Variants in SEL1L3 observed in about 807,000 individuals in gnomAD.
The protein encoded by SEL1L3 is protein sel-1 homolog 3.
In SEL1L3, 76 loss-of-function variants were observed where a neutral mutation model predicts 142.8. That is an observed-to-expected ratio of 0.53 (90% CI 0.44 to 0.64). The LOEUF (loss-of-function observed/expected upper bound fraction) is 0.64. Among genes scored for constraint, SEL1L3 ranks in the 30% least tolerant of loss-of-function variants. SEL1L3 has a pLI of 0.00. For synonymous variants in SEL1L3, 504 were observed against 519.6 expected (o/e 0.97, Z 0.41); for missense variants, 1,262 against 1,381.7 (o/e 0.91, Z 1.37).
At position 25,862,751 on chromosome 4, in the gene SEL1L3, G is replaced by A. The variant is rs1398527509; in HGVS notation, c.86C>T (p.Ala29Val). ...GGGGACGCCGCCACTCGGGACCATG[G>A]CTGCGGCCCGGGGGCCGACCGCGAG... The part of the protein sequence containing the change: ...PPLAVGPRAA[A>V]MVPSGGVPQG... The change falls in exon 1 of 24, where the codon GCC becomes GTC. Residue 29 changes from alanine (A) to valine (V), a missense_variant. Physicochemically the swap from Ala to Val is moderately conservative, Grantham distance 64. This residue lies in a region of SEL1L3 where 689 missense variants were observed against 692.8 expected (regional missense o/e 0.99). Coordinates refer to ENST00000399878, the MANE Select transcript of SEL1L3 (RefSeq NM_015187.5). The A allele has an allele frequency of 8.1e-7, 1 of 1,234,018 alleles. No homozygotes were observed. The highest frequency in any genetic ancestry group is 3.2e-5 in the South Asian group (1 of 30,908). The allele number at this position is 1,234,018 out of a possible 1,614,324, so 76.4% of individuals were successfully genotyped here.
chr4:25,857,180 G>T (rs1206181153), intron 1 of SEL1L3, among the ~76,000 whole-genome samples: 4 of 151,964 alleles, frequency 2.6e-5, no homozygotes, highest in Non-Finnish European at 5.9e-5. Context: ...ATTCTGTTTA[G>T]GTCAACAAAG....
At chr4:25,800,617 A>G (rs938080701) in intron 11 of SEL1L3, among the ~76,000 whole-genome samples, 1 of 152,146 alleles carries the variant, frequency 6.6e-6, no homozygotes, top group African/African-American at 2.4e-5. Flanking sequence ...TAAAAAAAAT[A>G]GTTTTTTTTG....
chr4:25,799,946 G>A (rs1713063540), intron 11 of SEL1L3, among the ~76,000 whole-genome samples: 1 of 152,180 alleles, frequency 6.6e-6, no homozygotes, highest in African/African-American at 2.4e-5. Flanking sequence ...AGGAAGAGCA[G>A]CTTTTGAGGA....
In SEL1L3 at chr4:25,767,526, A is replaced by G. The variant is rs757327529; in HGVS notation, c.2844T>C (p.Phe948=). Residue 948 remains phenylalanine, a splice_region_variant and synonymous_variant, in exon 19 of 24, where the codon TTT becomes TTC. Coordinates refer to ENST00000399878, the MANE Select transcript of SEL1L3 (RefSeq NM_015187.5). ...TTTGCACCGTTTTTCTATACATACCAAAGGAAGGAGCATCGATTTGAAAAA... is the reference window on the plus strand; with the variant it reads ...TTTGCACCGTTTTTCTATACATACCGAAGGAAGGAGCATCGATTTGAAAAA... The part of the protein sequence containing the change: ...FSVFQIDAPS[F]AYLKMGDLYY... The G allele has an allele frequency of 1.9e-6, 3 of 1,551,958 alleles. No homozygotes were observed. Among genetic ancestry groups the G allele is most frequent in the Non-Finnish European group, 2.7e-6 (3 of 1,129,488 alleles).
chr4:25,758,183 T>A (rs892871242), intron 21 of SEL1L3, among the ~76,000 whole-genome samples: 2 of 152,178 alleles, frequency 1.3e-5, no homozygotes, highest in African/African-American at 4.8e-5. Flanking sequence ...AAGCATTGGC[T>A]ATTTACGCAG....
rs33997941 is a variant in SEL1L3 at position 25,825,666 on chromosome 4, A to ATTT, written c.1158-3541_1158-3539dup. On this transcript the variant is annotated intron_variant, in intron 6 of 23. Transcript: ENST00000399878. ...TTCTTCAGGGCCTGGTCTAAATTCT[A>ATTT]TTTTTTTTTTTTTTTTTTTTTTTTT... 1.8e-3 allele frequency among the ~76,000 whole-genome samples: 136 copies of ATTT among 74,052 alleles called. 8 individuals carry two copies. The highest frequency in any genetic ancestry group is 5.4e-3 in the African/African-American group (101 of 18,862). 48.6% of individuals were successfully genotyped at this position (74,052 alleles called of 152,430 possible).
At chr4:25,722,624 C>CTTTTTTTTTTTTTTTTTTTTTT in the SEL1L3 span, among the ~76,000 whole-genome samples, 1 of 103,666 alleles carries the variant, frequency 9.6e-6, no homozygotes, top group African/African-American at 3.6e-5. Context: ...CCAAAGGAGG[C>CTTTTTTTTTTTTTTTTTTTTTT]TTTTTTTTTT....
chr4:25,830,782 T>C (rs991517025), intron 5 of SEL1L3, among the ~76,000 whole-genome samples: 1 of 152,194 alleles, frequency 6.6e-6, no homozygotes, highest in African/African-American at 2.4e-5. Flanking sequence ...CTCAAAGACG[T>C]GGCTACGACA....
At chr4:25,717,404 G>A in the SEL1L3 span, among the ~76,000 whole-genome samples, 2 of 152,138 alleles carry the variant, frequency 1.3e-5, no homozygotes, top group Admixed American at 6.5e-5. Flanking sequence ...AGTGGCTCAC[G>A]CCTGTAATCC....
intron 11 of SEL1L3, among the ~76,000 whole-genome samples, chr4:25,796,640 C>G (rs574555928): frequency 6.6e-6 from 1 of 151,652 alleles, no homozygotes; most frequent in Admixed American, 6.6e-5. Flanking sequence ...TAAAAATGCC[C>G]AAAATTAGCC....
At chr4:25,859,452 G>C (rs1370139803) in intron 1 of SEL1L3, among the ~76,000 whole-genome samples, 1 of 152,072 alleles carries the variant, frequency 6.6e-6, no homozygotes, top group Non-Finnish European at 1.5e-5. Context: ...TACTCTTTTT[G>C]AGCTGATACT....
intron 17 of SEL1L3, among the ~76,000 whole-genome samples, chr4:25,770,040 A>G (rs1445296398): frequency 4.6e-5 from 7 of 152,190 alleles, no homozygotes; most frequent in Non-Finnish European, 1.0e-4. Context: ...AAGCAGGAGA[A>G]TCGCTCGAAC....
intron 1 of SEL1L3, among the ~76,000 whole-genome samples, chr4:25,852,403 G>C (rs763588927): frequency 1.3e-5 from 2 of 152,202 alleles, no homozygotes; most frequent in African/African-American, 2.4e-5. Context: ...GCTTCCACAT[G>C]AATAGGGATA....
In SEL1L3 at chr4:25,788,295, A is replaced by C; in HGVS notation, c.2146T>G (p.Trp716Gly). ...VAKNPEAAIEWYAKGALETED... is the reference protein window; with the variant it reads ...VAKNPEAAIEGYAKGALETED... ...GTCTCCAGGGCGCCCTTGGCGTACC[A>C]CTCAATTGCTGCTTCGGGATTCTTG... The change falls in exon 13 of 24, where the codon TGG (tryptophan) becomes GGG (glycine). Residue 716 changes from tryptophan (W) to glycine (G), a missense_variant. By Grantham distance (184) the Trp-to-Gly change is radical. Coordinates refer to ENST00000399878, the MANE Select transcript of SEL1L3 (RefSeq NM_015187.5). The surrounding 1 kb of genome is among the most constrained non-coding windows in gnomAD (Gnocchi z 5.3). The C allele has an allele frequency of 6.2e-7, 1 of 1,613,926 alleles. No homozygotes were observed. Among genetic ancestry groups the C allele is most frequent in the Non-Finnish European group, 8.5e-7 (1 of 1,179,840 alleles).
At chr4:25,811,370 G>A (rs1470329398) in intron 9 of SEL1L3, among the ~76,000 whole-genome samples, 1 of 152,242 alleles carries the variant, frequency 6.6e-6, no homozygotes, top group Non-Finnish European at 1.5e-5. Flanking sequence ...TTTTACAGAA[G>A]TGTCTACCGA....
the SEL1L3 span, among the ~76,000 whole-genome samples, chr4:25,741,268 T>C: frequency 7.2e-5 from 11 of 152,052 alleles, no homozygotes; most frequent in Non-Finnish European, 1.5e-4. Context: ...CACACCCAGC[T>C]AATTTTTGTA....
intron 17 of SEL1L3, among the ~76,000 whole-genome samples, chr4:25,772,005 A>G (rs1719255192): frequency 6.6e-6 from 1 of 152,246 alleles, no homozygotes; most frequent in African/African-American, 2.4e-5. Flanking sequence ...TAATTTGAAA[A>G]TAACTTCTAG....
chr4:25,795,716 G>A (rs944102604), intron 11 of SEL1L3, among the ~76,000 whole-genome samples: 1 of 152,212 alleles, frequency 6.6e-6, no homozygotes, highest in Admixed American at 6.5e-5. Context: ...CCAGGTGGGG[G>A]TTGCCTTCTC....
intron 14 of SEL1L3, among the ~76,000 whole-genome samples, chr4:25,783,970 C>T (rs1466952844): frequency 6.6e-6 from 1 of 152,144 alleles, no homozygotes; most frequent in African/African-American, 2.4e-5. Flanking sequence ...ACAAAATCAA[C>T]CCGAATGCTA....
Sources: allele counts gnomAD v4.1 joint callset (sites outside exome capture counted in the v4.1 genomes callset), GRCh38; gene constraint gnomAD v4.1.1; regional missense constraint gnomAD v4.1.1; non-coding constraint Gnocchi (gnomAD v3.1); transcripts MANE v1.5; gene names NCBI Gene and HGNC (gene_info 2026-07-23, HGNC 2026-07-21).